The following KCNAB2 variants were observed in gnomAD, a reference collection of about 807,000 sequenced individuals.
The protein encoded by KCNAB2 is voltage-gated potassium channel subunit beta-2.
A neutral mutation model predicts 63.6 loss-of-function variants in KCNAB2; 29 were observed. The observed-to-expected ratio is 0.46, with a 90% CI of 0.34 to 0.62. KCNAB2 has a LOEUF of 0.62. KCNAB2 is among the 20% of genes least tolerant of loss of function. KCNAB2 has a pLI of 0.01. For missense variants in KCNAB2, 359 were observed against 563.9 expected (o/e 0.64, Z 3.68); for synonymous variants, 222 against 224.2 (o/e 0.99, Z 0.09).
rs769516805 is a variant in KCNAB2, at chr1:6,082,297, A to C, written c.380+23A>C. 5.0e-6 allele frequency: 8 copies of C among 1,596,438 alleles called. No individual in the cohort carries two copies. In the Admixed American group the frequency reaches 1.3e-4, roughly 27 times the overall value. On this transcript the variant is annotated intron_variant, in intron 5 of 15. Transcript: ENST00000378083. ...CAAGTACGTGTCTTTTCACACGGGA[A>C]AAAGTGGTTCAGAATGCCTGGGCAG...
At chr1:6,047,938 C>T (rs536364798) in intron 1 of KCNAB2, among the ~76,000 whole-genome samples, 2 of 152,234 alleles carry the variant, frequency 1.3e-5, no homozygotes, top group Non-Finnish European at 2.9e-5. Context: ...TGGGCTCCCT[C>T]CGTGCCGCAG....
chr1:6,046,906 G>A (rs1210269476), intron 1 of KCNAB2, among the ~76,000 whole-genome samples: 2 of 152,180 alleles, frequency 1.3e-5, no homozygotes, highest in Non-Finnish European at 2.9e-5. Context: ...TCTGGGGTGA[G>A]GTAGTGATTC....
chr1:6,057,423 G>A (rs1661931713), intron 2 of KCNAB2, among the ~76,000 whole-genome samples: 1 of 152,166 alleles, frequency 6.6e-6, no homozygotes, highest in African/African-American at 2.4e-5. Flanking sequence ...TTAAAGGACA[G>A]GCGGGAAGGA....
intron 1 of KCNAB2, among the ~76,000 whole-genome samples, chr1:6,023,088 G>A (rs1441445575): frequency 6.6e-6 from 1 of 152,008 alleles, no homozygotes; most frequent in African/African-American, 2.4e-5. Context: ...CGCCATGTTG[G>A]CCAGGCTGGT....
intron 1 of KCNAB2, among the ~76,000 whole-genome samples, chr1:5,999,131 C>T (rs976689475): frequency 1.3e-5 from 2 of 152,250 alleles, no homozygotes; most frequent in African/African-American, 4.8e-5. Context: ...TTTCTGGGGA[C>T]ACCCGTGAAC....
At chr1:6,020,467 A>G (rs1232431971) in intron 1 of KCNAB2, among the ~76,000 whole-genome samples, 2 of 152,046 alleles carry the variant, frequency 1.3e-5, no homozygotes, top group Non-Finnish European at 2.9e-5. Context: ...CCTGATACTC[A>G]GCCTCTTCCA....
chr1:6,068,005 T>C (rs999885971), intron 2 of KCNAB2, among the ~76,000 whole-genome samples: 1 of 152,212 alleles, frequency 6.6e-6, no homozygotes, highest in Non-Finnish European at 1.5e-5. Flanking sequence ...CACTCCAGCC[T>C]GGGTGACAGA....
intron 2 of KCNAB2, among the ~76,000 whole-genome samples, chr1:6,053,469 T>C (rs1661555172): frequency 6.6e-6 from 1 of 151,868 alleles, no homozygotes; most frequent in Non-Finnish European, 1.5e-5. Context: ...GACAATGCAA[T>C]GAAGAAAGAC....
chr1:6,082,109 A>G, intron 4 of KCNAB2, 86 bp from the exon 5 acceptor site: 1 of 1,136,254 alleles, frequency 8.8e-7, no homozygotes, highest in Non-Finnish European at 1.3e-6. Context: ...GGACACGGGG[A>G]GGCCTCCCAG....
upstream of KCNAB2, among the ~76,000 whole-genome samples, chr1:6,030,854 GTGTA>G (rs1328057979): frequency 6.7e-6 from 1 of 148,288 alleles, no homozygotes; most frequent in Admixed American, 6.7e-5. Flanking sequence ...AGGTATGTGT[GTGTA>G]TGTATGTGTA....
At chr1:6,058,805 G>A (rs1662065290) in intron 2 of KCNAB2, among the ~76,000 whole-genome samples, 1 of 152,236 alleles carries the variant, frequency 6.6e-6, no homozygotes, top group African/African-American at 2.4e-5. Flanking sequence ...AGACGCAGGG[G>A]CTGGGAGAAA....
chr1:6,057,825 C>T (rs1421987390), intron 2 of KCNAB2, among the ~76,000 whole-genome samples: 1 of 152,078 alleles, frequency 6.6e-6, no homozygotes, highest in Non-Finnish European at 1.5e-5. Context: ...TCTCTGTGGG[C>T]CTCTGTCTCC....
chr1:6,016,325 G>A (rs1040720475), intron 1 of KCNAB2, among the ~76,000 whole-genome samples: 10 of 152,310 alleles, frequency 6.6e-5, no homozygotes, highest in Middle Eastern at 3.4e-3. Context: ...GGAGGACCTC[G>A]CTCCTGGCGG....
intron 1 of KCNAB2, among the ~76,000 whole-genome samples, chr1:5,999,882 T>C (rs536480819): frequency 6.6e-6 from 1 of 151,234 alleles, no homozygotes; most frequent in South Asian, 2.1e-4. Flanking sequence ...CTGCGCCCTC[T>C]CCGCACCCTG....
At chr1:6,063,252 T>C (rs927186196) in intron 2 of KCNAB2, among the ~76,000 whole-genome samples, 9 of 152,010 alleles carry the variant, frequency 5.9e-5, no homozygotes, top group Admixed American at 3.3e-4. Flanking sequence ...CTCAAACTCC[T>C]GACCTCACGA....
Position 6,100,310 on chromosome 1 carries a change from GTCC to G in KCNAB2, c.*1737_*1739del. On this transcript the variant is annotated 3_prime_UTR_variant, in exon 16 of 16. Transcript: ENST00000378083. ...ACCCTTGCCCCTCCTCATAGACCAA[GTCC>G]CGGGGGTCTCCACTCAGTCCTGCTG... is the stretch of plus-strand genomic sequence containing the variant. The G allele has an allele frequency of 2.7e-6, 1 of 367,132 alleles. No homozygotes were observed. The highest frequency in any genetic ancestry group is 4.9e-6 in the Non-Finnish European group (1 of 206,106). The allele number at this position is 367,132 out of a possible 1,614,324, so 22.7% of individuals were successfully genotyped here.
chr1:6,082,050 A>G (rs1395597455), intron 4 of KCNAB2, 145 bp from the exon 5 acceptor site: 2 of 657,874 alleles, frequency 3.0e-6, no homozygotes, highest in African/African-American at 1.8e-5. Context: ...AGGAGAGGGC[A>G]AGGAGACAGC....
Position 6,090,490 on chromosome 1 carries a change from G to C in KCNAB2, c.601+15G>C. 6.2e-7 allele frequency: 1 copy of C among 1,606,010 alleles called. No homozygotes were observed. The highest frequency in any genetic ancestry group is 8.5e-7 in the Non-Finnish European group (1 of 1,173,768). On this transcript the variant is annotated intron_variant, in intron 9 of 15. Transcript: ENST00000378083. ...CCCGATGGAAGGTAGGTGGTCTGCG[G>C]CGGCGCCACCGGTTAGGCCTGGGCG... is the stretch of plus-strand genomic sequence containing the variant.
rs544356596 is a variant in KCNAB2 at position 6,069,780 on chromosome 1, G to C, written c.219-2975G>C. 6.6e-6 allele frequency among the ~76,000 whole-genome samples: 1 copy of C among 152,346 alleles called. No individual in the cohort carries two copies. The highest frequency in any genetic ancestry group is 1.9e-4 in the East Asian group (1 of 5,188). On this transcript the variant is annotated intron_variant, in intron 2 of 15. Transcript: ENST00000378083. This position sits in a 1 kb window ranked among gnomAD's most constrained non-coding sequence, Gnocchi z 5.4. ...CTTCTCCCGAGGCCTGGCAGCGGAT[G>C]GCAGAACCAATACCATCATTTTCAC...
Sources: gnomAD v4.1 joint callset for allele counts (sites outside exome capture counted in the v4.1 genomes callset) on GRCh38, gnomAD v4.1.1 for gene constraint, Gnocchi (gnomAD v3.1) non-coding constraint, MANE v1.5 for transcripts, NCBI Gene and HGNC (gene_info 2026-07-23, HGNC 2026-07-21) for gene names.